The following KIAA1755 variants were observed in gnomAD, a reference collection of about 807,000 sequenced individuals.
KIAA1755 encodes the protein KIAA1755, also known as uncharacterized protein KIAA1755.
In KIAA1755, 68 loss-of-function variants were observed where a neutral mutation model predicts 91.7. The ratio of observed to expected loss-of-function variants is 0.74; its 90% CI spans 0.61 to 0.91. The LOEUF is 0.91. KIAA1755 is among the 40% of genes least tolerant of loss of function. The pLI is 0.00. For synonymous variants in KIAA1755, 610 were observed against 604.6 expected (o/e 1.01, Z -0.13); for missense variants, 1,535 against 1,494.4 (o/e 1.03, Z -0.45).
At chr20:38,255,448 A>C (rs1300586914) in intron 1 of KIAA1755, among the ~76,000 whole-genome samples, 1 of 152,198 alleles carries the variant, frequency 6.6e-6, no homozygotes, top group Non-Finnish European at 1.5e-5. Context: ...GCACCACCTG[A>C]TCTACTGATT....
chr20:38,245,787 A>G (rs898560500), intron 2 of KIAA1755, 142 bp downstream of exon 2: 2 of 704,814 alleles, frequency 2.8e-6, no homozygotes, highest in Admixed American at 5.0e-5. Context: ...CTGGGCAAGC[A>G]ATGATACTTG....
intron 1 of KIAA1755, among the ~76,000 whole-genome samples, chr20:38,250,644 G>T (rs994236152): frequency 6.6e-6 from 1 of 151,922 alleles, no homozygotes; most frequent in Non-Finnish European, 1.5e-5. Flanking sequence ...AGAAAACCCC[G>T]TGTGCTGCAG....
At chr20:38,260,283 C>T in intron 1 of KIAA1755, 16 of 1,549,344 alleles carry the variant, frequency 1.0e-5, no homozygotes, top group Non-Finnish European at 1.4e-5. Flanking sequence ...TCCATACACA[C>T]ACATGGAGAA....
In KIAA1755 at chr20:38,223,558, C is replaced by T. The variant is rs768672282; in HGVS notation, c.2248G>A (p.Asp750Asn). The change falls in exon 9 of 14, where the codon GAC becomes AAC. Residue 750 changes from aspartate (D) to asparagine (N), a missense_variant. Coordinates refer to ENST00000279024, the MANE Select transcript of KIAA1755 (RefSeq NM_001029864.2). The stretch of plus-strand genomic sequence containing the variant: ...CTCACCTGCATCCCCCCAGGGGGGT[C>T]GGCCTTCTCGAATTCCTCGATGGAA... ...QASIEEFEKADPPGGMQEATR... is the reference protein window; with the variant it reads ...QASIEEFEKANPPGGMQEATR... 11 of 1,597,276 alleles carry T rather than the reference C, an allele frequency of 6.9e-6. No individual in the cohort carries two copies. The highest frequency in any genetic ancestry group is 5.3e-5 in the Admixed American group (3 of 57,026).
chr20:38,213,847 A>G, intron 13 of KIAA1755, 104 bp from the exon 14 acceptor site: 1 of 790,412 alleles, frequency 1.3e-6, no homozygotes, highest in South Asian at 2.4e-5. Flanking sequence ...CAGCTTGGCC[A>G]TGATCTTCTC....
chr20:38,246,194 C>T, intron 1 of KIAA1755, 68 bp from the exon 2 acceptor site: 1 of 1,356,994 alleles, frequency 7.4e-7, no homozygotes, highest in African/African-American at 1.4e-5. Context: ...TTCCCGTGAC[C>T]TTCCAGGCCC....
In KIAA1755 at chr20:38,213,794, A is replaced by G. The variant is rs1436893755; in HGVS notation, c.2902-51T>C. The G allele has an allele frequency of 1.2e-5, 16 of 1,306,608 alleles. No homozygotes were observed. In the Admixed American group the frequency reaches 4.6e-4, roughly 38 times the overall value. 80.9% of individuals were successfully genotyped at this position (1,306,608 alleles called of 1,614,324 possible). On this transcript the variant is annotated intron_variant, in intron 13 of 13. Transcript: ENST00000279024. ...GGGGGCTCAGGCTGGAAGTGGGACC[A>G]TGGAGGACTGAATTAATAAGTGCCC...
intron 4 of KIAA1755, among the ~76,000 whole-genome samples, chr20:38,235,002 G>T (rs1347078992): frequency 6.6e-6 from 1 of 152,174 alleles, no homozygotes; most frequent in Non-Finnish European, 1.5e-5. Context: ...GGTAAGTCGG[G>T]GTTGCCCAAA....
intron 10 of KIAA1755, among the ~76,000 whole-genome samples, chr20:38,220,449 G>A (rs1166721063): frequency 6.6e-6 from 1 of 152,014 alleles, no homozygotes; most frequent in African/African-American, 2.4e-5. Flanking sequence ...TGGGTAGCTG[G>A]GATTACAGGC....
intron 4 of KIAA1755, among the ~76,000 whole-genome samples, chr20:38,232,545 G>A (rs536627383): frequency 2.6e-5 from 4 of 151,160 alleles, no homozygotes; most frequent in South Asian, 4.2e-4. Context: ...TGAGAATGGC[G>A]TGAACCTGGG....
intron 1 of KIAA1755, among the ~76,000 whole-genome samples, chr20:38,257,370 C>G (rs2076356245): frequency 6.6e-6 from 1 of 152,058 alleles, no homozygotes; most frequent in African/African-American, 2.4e-5. Context: ...CACTTGAGGT[C>G]AGGAGTTTGA....
intron 1 of KIAA1755, among the ~76,000 whole-genome samples, chr20:38,248,565 G>A (rs1240855059): frequency 6.6e-6 from 1 of 152,004 alleles, no homozygotes; most frequent in Non-Finnish European, 1.5e-5. Context: ...TCCTCTTTGG[G>A]GCCTCGGTGT....
At chr20:38,244,529 G>C (rs1158507229) in intron 2 of KIAA1755, among the ~76,000 whole-genome samples, 3 of 152,180 alleles carry the variant, frequency 2.0e-5, no homozygotes, top group African/African-American at 7.2e-5. Context: ...ACTCAGGACA[G>C]GCTGATGGGA....
At chr20:38,243,432 C>T (rs993877693) in intron 2 of KIAA1755, among the ~76,000 whole-genome samples, 2 of 152,256 alleles carry the variant, frequency 1.3e-5, no homozygotes, top group Non-Finnish European at 2.9e-5. Flanking sequence ...CTTTCTCTCT[C>T]ACCTTCTCAT....
rs751064310 is a variant in KIAA1755, at chr20:38,218,360, C to T, written c.2563G>A (p.Asp855Asn). 64 of 1,613,988 alleles carry T rather than the reference C, an allele frequency of 4.0e-5. 1 individual carries two copies. The highest frequency in any genetic ancestry group is 1.2e-4 in the South Asian group (11 of 91,066). The change falls in exon 12 of 14, where the codon GAC (aspartate) becomes AAC (asparagine). Residue 855 changes from aspartate to asparagine, a missense_variant. Physicochemically the swap from Asp to Asn is conservative, Grantham distance 23. Coordinates refer to ENST00000279024, the MANE Select transcript of KIAA1755 (RefSeq NM_001029864.2). The part of the protein sequence containing the change: ...RLEAAIHQVS[D>N]WMEQEGRRCL... ...CGCCTTCCTTCCTGCTCCATCCAGT[C>T]GCTGACCTGGGGCAGGAGAGGCAGA...
At chr20:38,228,993 A>C (rs1375734220) in intron 5 of KIAA1755, among the ~76,000 whole-genome samples, 1 of 152,012 alleles carries the variant, frequency 6.6e-6, no homozygotes, top group Non-Finnish European at 1.5e-5. Context: ...CAGATTCCTC[A>C]CCCTACTCCT....
At chr20:38,253,050 A>C (rs895589801) in intron 1 of KIAA1755, among the ~76,000 whole-genome samples, 1 of 145,618 alleles carries the variant, frequency 6.9e-6, no homozygotes, top group African/African-American at 2.6e-5. Flanking sequence ...ATTCCTTCCC[A>C]GTGAACACAG....
At chr20:38,223,697 G>T (rs1038530149) in intron 8 of KIAA1755, 61 bp from the exon 9 acceptor site, 1 of 1,287,272 alleles carries the variant, frequency 7.8e-7, no homozygotes, top group Non-Finnish European at 1.1e-6. Flanking sequence ...GATGCCTCTT[G>T]CATCTCAGGA....
At position 38,246,085 on chromosome 20, in the gene KIAA1755, C is replaced by T. The variant is rs201436223; in HGVS notation, c.45G>A (p.Ala15=). ...SLDTAIQHAL[A]GLYPPFEATA... Reference sequence around the variant, plus strand: ...TGGCCTCGAAAGGAGGATAGAGGCCCGCCAGGGCATGCTGGATGGCTGTGT... The same window carrying T: ...TGGCCTCGAAAGGAGGATAGAGGCCTGCCAGGGCATGCTGGATGGCTGTGT... Residue 15 remains alanine (A), a synonymous_variant, in exon 2 of 14, where the codon GCG becomes GCA. Transcript: ENST00000279024. The T allele has an allele frequency of 7.4e-6, 12 of 1,613,764 alleles. No individual in the cohort carries two copies. Among genetic ancestry groups the T allele is most frequent in the Admixed American group, 5.0e-5 (3 of 60,000 alleles).
Sources: allele counts gnomAD v4.1 joint callset (sites outside exome capture counted in the v4.1 genomes callset), GRCh38; gene constraint gnomAD v4.1.1; transcripts MANE v1.5; gene names NCBI Gene and HGNC (gene_info 2026-07-23, HGNC 2026-07-21).